The following ABCA13 variants were observed in gnomAD, a reference collection of about 807,000 sequenced individuals.
The protein encoded by ABCA13 is ATP binding cassette subfamily A member 13, also known as ATP-binding cassette sub-family A member 13.
A neutral mutation model predicts 478.7 loss-of-function variants in ABCA13; 476 were observed. The ratio of observed to expected loss-of-function variants is 0.99; its 90% CI spans 0.92 to 1.07. The LOEUF is 1.07. Ranked by LOEUF, ABCA13 falls within the 50% of genes least tolerant of loss-of-function variation. The pLI, the probability that ABCA13 is intolerant of heterozygous loss-of-function variation, is 0.00. For synonymous variants in ABCA13, 2,252 were observed against 2,158.9 expected, an observed-to-expected ratio of 1.04 and a Z score of -1.20; for missense variants, 6,060 against 5,910.6, an observed-to-expected ratio of 1.03 and a Z score of -0.83.
intron 35 of ABCA13, among the ~76,000 whole-genome samples, chr7:48,385,029 G>T (rs1814964930): frequency 2.6e-5 from 4 of 152,158 alleles, no homozygotes. Flanking sequence ...TTGAAGTACA[G>T]GGGGTTAGAA....
intron 8 of ABCA13, among the ~76,000 whole-genome samples, chr7:48,235,967 G>A (rs935805704): frequency 6.6e-6 from 1 of 152,166 alleles, no homozygotes; most frequent in Non-Finnish European, 1.5e-5. Context: ...CACAGTTCAG[G>A]TAGGCTAGGT....
intron 58 of ABCA13, among the ~76,000 whole-genome samples, chr7:48,611,608 GA>G (rs1792034253): frequency 6.6e-6 from 1 of 152,116 alleles, no homozygotes; most frequent in Non-Finnish European, 1.5e-5. Flanking sequence ...AGTGAAAGGG[GA>G]AGTGCTACAC....
intron 31 of ABCA13, among the ~76,000 whole-genome samples, chr7:48,357,128 A>G (rs2128995867): frequency 6.6e-6 from 1 of 151,962 alleles, no homozygotes; most frequent in Admixed American, 6.5e-5. Context: ...TGGAGAGTGA[A>G]GGGTTGACAG....
intron 3 of ABCA13, among the ~76,000 whole-genome samples, chr7:48,198,748 A>C (rs1349857399): frequency 6.6e-6 from 1 of 152,190 alleles, no homozygotes; most frequent in Non-Finnish European, 1.5e-5. Context: ...CTGTGCTGCT[A>C]GTTGACTAGA....
intron 41 of ABCA13, among the ~76,000 whole-genome samples, chr7:48,419,813 C>T (rs17132322): frequency 0.38 from 57,163 of 151,968 alleles, 11,289 homozygotes; most frequent in African/African-American, 0.5. Flanking sequence ...CACACACGGA[C>T]GCTAAGAAAG....
intron 41 of ABCA13, among the ~76,000 whole-genome samples, chr7:48,425,988 G>T (rs924789775): frequency 1.3e-5 from 2 of 152,112 alleles, no homozygotes; most frequent in African/African-American, 4.8e-5. Flanking sequence ...TGATCCGCCC[G>T]CCTCGGCCTC....
chr7:48,298,559 T>C, intron 23 of ABCA13, 72 bp downstream of exon 23: 2 of 1,514,914 alleles, frequency 1.3e-6, no homozygotes, highest in Non-Finnish European at 1.8e-6. Flanking sequence ...TGGCACTGTG[T>C]TGTCCTTTCT....
intron 58 of ABCA13, chr7:48,612,049 T>G (rs1449746380): frequency 6.6e-6 from 1 of 152,158 alleles, no homozygotes; most frequent in Non-Finnish European, 1.5e-5. Flanking sequence ...TTCCTCTCGC[T>G]AAATTCATGT....
intron 47 of ABCA13, among the ~76,000 whole-genome samples, chr7:48,485,298 T>G (rs544590517): frequency 6.6e-6 from 1 of 152,160 alleles, no homozygotes; most frequent in African/African-American, 2.4e-5. Context: ...AAGGTCTGTT[T>G]TGAGGTGTCA....
intron 3 of ABCA13, among the ~76,000 whole-genome samples, chr7:48,218,001 T>A (rs527528594): frequency 6.6e-6 from 1 of 152,310 alleles, no homozygotes; most frequent in African/African-American, 2.4e-5. Flanking sequence ...TGGAATTCAC[T>A]CTCTCTCTCA....
chr7:48,611,592 G>A (rs1792032458), intron 58 of ABCA13, among the ~76,000 whole-genome samples: 1 of 152,188 alleles, frequency 6.6e-6, no homozygotes, highest in African/African-American at 2.4e-5. Context: ...AGAGCAGGAG[G>A]AAGAGAGTGA....
intron 55 of ABCA13, among the ~76,000 whole-genome samples, chr7:48,535,499 G>T (rs1350005617): frequency 6.6e-6 from 1 of 152,244 alleles, no homozygotes. Flanking sequence ...CAGCCAGGAG[G>T]TGGCGCTTTC....
rs151045048 is a variant in ABCA13 at position 48,233,140 on chromosome 7, G to C, written c.764-878G>C. Among the ~76,000 whole-genome samples, 490 of 151,964 alleles carry C rather than the reference G, an allele frequency of 3.2e-3. 9 individuals carry two copies. The highest frequency in any genetic ancestry group is 0.028 in the Admixed American group (425 of 15,280). On this transcript the variant is annotated intron_variant, in intron 7 of 61. Coordinates refer to ENST00000435803, the MANE Select transcript of ABCA13 (RefSeq NM_152701.5). ...TTAACACCTTCCTGAAGTCCCCGTT[G>C]ACTTGGTCTGTCTTTGTGAATGTCA...
chr7:48,527,825 T>A (rs1832981633), intron 54 of ABCA13, among the ~76,000 whole-genome samples: 1 of 152,114 alleles, frequency 6.6e-6, no homozygotes, highest in Non-Finnish European at 1.5e-5. Flanking sequence ...GAAGATGGAA[T>A]CTTTTAAGAA....
At chr7:48,293,673 A>G (rs1331339562) in intron 20 of ABCA13, among the ~76,000 whole-genome samples, 1 of 152,154 alleles carries the variant, frequency 6.6e-6, no homozygotes, top group Non-Finnish European at 1.5e-5. Flanking sequence ...TTTAAATATT[A>G]TGTTACCTAT....
At chr7:48,414,872 A>T (rs1175020500) in intron 41 of ABCA13, among the ~76,000 whole-genome samples, 1 of 152,180 alleles carries the variant, frequency 6.6e-6, no homozygotes, top group Non-Finnish European at 1.5e-5. Context: ...CAAAAATGGT[A>T]ATGGCTTTTC....
At chr7:48,314,484 G>A in intron 26 of ABCA13, 75 bp downstream of exon 26, 7 of 1,311,882 alleles carry the variant, frequency 5.3e-6, no homozygotes, top group Non-Finnish European at 7.2e-6. Context: ...ATTATAGTAA[G>A]TATTCTGTCT....
intron 42 of ABCA13, among the ~76,000 whole-genome samples, chr7:48,449,478 T>C (rs1335195609): frequency 1.3e-5 from 2 of 152,180 alleles, no homozygotes; most frequent in East Asian, 3.9e-4. Flanking sequence ...GAGTACCCTA[T>C]CTAACAGGGA....
intron 19 of ABCA13, among the ~76,000 whole-genome samples, chr7:48,281,658 G>A (rs117205328): frequency 2.0e-5 from 3 of 151,698 alleles, no homozygotes; most frequent in Non-Finnish European, 4.4e-5. Flanking sequence ...TGAACGGCCC[G>A]TTCCTGCGCC....
Sources: allele counts gnomAD v4.1 joint callset (sites outside exome capture counted in the v4.1 genomes callset), GRCh38; gene constraint gnomAD v4.1.1; transcripts MANE v1.5; gene names NCBI Gene and HGNC (gene_info 2026-07-23, HGNC 2026-07-21).